The following LRRC4C variants were observed in gnomAD, a reference collection of about 807,000 sequenced individuals.
LRRC4C encodes the protein leucine-rich repeat-containing protein 4C.
A neutral mutation model predicts 33.6 loss-of-function variants in LRRC4C; 5 were observed. The ratio of observed to expected loss-of-function variants is 0.15; its 90% confidence interval spans 0.08 to 0.31. LRRC4C has a LOEUF of 0.31. Ranked by LOEUF, LRRC4C falls within the 10% of genes least tolerant of loss-of-function variation. The probability of loss-of-function intolerance (pLI) is 1.00; values close to 1 mark genes in which losing one functional copy is unlikely to be tolerated. For synonymous variants in LRRC4C, 329 were observed against 302.0 expected, an observed-to-expected ratio of 1.09 and a Z score of -0.93; for missense variants, 560 against 796.7, an observed-to-expected ratio of 0.70 and a Z score of 3.58.
chr11:41,187,098 A>C (rs1374243367), intron 1 of LRRC4C, among the ~76,000 whole-genome samples: 1 of 152,186 alleles, frequency 6.6e-6, no homozygotes, highest in Non-Finnish European at 1.5e-5. Flanking sequence ...AATAGCAGTG[A>C]TATGGGAAGG....
chr11:41,072,275 C>A (rs1171714144), intron 1 of LRRC4C, among the ~76,000 whole-genome samples: 1 of 144,684 alleles, frequency 6.9e-6, no homozygotes, highest in Admixed American at 7.1e-5. Context: ...ATCAATGTGG[C>A]AAACATTGAA....
chr11:40,752,405 T>A (rs979229791), intron 2 of LRRC4C, among the ~76,000 whole-genome samples: 4 of 151,780 alleles, frequency 2.6e-5, no homozygotes, highest in South Asian at 2.1e-4. Context: ...TGCAACAATA[T>A]ATAAACAAAT....
rs1958336050 is a variant in LRRC4C, at chr11:40,945,088, C to T, written c.-495-11365G>A. On this transcript the variant is annotated intron_variant, in intron 1 of 6. Transcript: ENST00000528697. The stretch of plus-strand genomic sequence containing the variant: ...TGTCGCCCGGGCTGGAGCGCAGTGG[C>T]GCGATCTCGGCACACTGCAAGCTCT... 4.4e-5 allele frequency among the ~76,000 whole-genome samples: 6 copies of T among 137,924 alleles called. No homozygotes were observed. In the South Asian group the frequency reaches 9.0e-4, roughly 21 times the overall value. The allele number at this position is 137,924 out of a possible 152,430, so 90.5% of individuals were successfully genotyped here.
At chr11:41,308,584 AT>A (rs1324253597) in intron 1 of LRRC4C, among the ~76,000 whole-genome samples, 1 of 152,176 alleles carries the variant, frequency 6.6e-6, no homozygotes, top group African/African-American at 2.4e-5. Flanking sequence ...TTGGGCCAAT[AT>A]TAAAACCACA....
intron 3 of LRRC4C, among the ~76,000 whole-genome samples, chr11:40,403,481 G>A (rs1590626915): frequency 6.6e-6 from 1 of 152,088 alleles, no homozygotes; most frequent in African/African-American, 2.4e-5. Flanking sequence ...AAGCAAGACC[G>A]AATGAGATCA....
chr11:40,867,192 C>G lies in LRRC4C; in HGVS notation c.-407+66443G>C, dbSNP rs924348193. Among the ~76,000 whole-genome samples, 20 of 152,274 alleles carry G rather than the reference C, an allele frequency of 1.3e-4. No homozygotes were observed. In the East Asian group the frequency reaches 3.9e-3, roughly 29 times the overall value. ...CATTGCCTCGTTCACCAACACAACC[C>G]TGTTTTTGACATGTCCTAAGTATTG... is the stretch of plus-strand genomic sequence containing the variant. On this transcript the variant is annotated intron_variant, in intron 2 of 6. Transcript: ENST00000528697.
At chr11:40,856,323 T>C (rs902021418) in intron 2 of LRRC4C, among the ~76,000 whole-genome samples, 1 of 152,142 alleles carries the variant, frequency 6.6e-6, no homozygotes, top group Non-Finnish European at 1.5e-5. Context: ...TAGATACAGA[T>C]TTGTGGTCCA....
intron 2 of LRRC4C, among the ~76,000 whole-genome samples, chr11:40,746,079 C>T (rs900370908): frequency 2.0e-5 from 3 of 152,116 alleles, no homozygotes; most frequent in African/African-American, 7.2e-5. Flanking sequence ...GAGGAGGAAG[C>T]AAGGCAACCT....
intron 4 of LRRC4C, among the ~76,000 whole-genome samples, chr11:40,284,589 CAGAA>C (rs1943707655): frequency 6.6e-6 from 1 of 152,226 alleles, no homozygotes; most frequent in South Asian, 2.1e-4. Flanking sequence ...TTGGCATTAT[CAGAA>C]AGACTAGTTA....
chr11:41,163,690 C>A (rs1944585868), intron 1 of LRRC4C, among the ~76,000 whole-genome samples: 1 of 152,038 alleles, frequency 6.6e-6, no homozygotes, highest in South Asian at 2.1e-4. Flanking sequence ...TGGCTCACTG[C>A]AACCTCCACC....
chr11:40,590,437 C>G (rs1030687594), intron 3 of LRRC4C, among the ~76,000 whole-genome samples: 8 of 151,034 alleles, frequency 5.3e-5, no homozygotes, highest in African/African-American at 1.9e-4. Flanking sequence ...CCTCCCGTAG[C>G]TCAGAGTAAT....
rs965632393 is a variant in LRRC4C at position 40,830,290 on chromosome 11, T to C, written c.-407+103345A>G. On this transcript the variant is annotated intron_variant, in intron 2 of 6. Transcript: ENST00000528697. Reference sequence around the variant, plus strand: ...CAGTTCTTTCTCAACTTTCCACTTCTTTGTTAATACATGAAATACAAGCTA... The same window carrying C: ...CAGTTCTTTCTCAACTTTCCACTTCCTTGTTAATACATGAAATACAAGCTA... 1.6e-4 allele frequency among the ~76,000 whole-genome samples: 25 copies of C among 152,254 alleles called. No homozygotes were observed. The East Asian group carries it at 3.3e-3, about 20-fold the overall frequency.
intron 2 of LRRC4C, among the ~76,000 whole-genome samples, chr11:40,913,473 G>A (rs1956790518): frequency 6.6e-6 from 1 of 152,104 alleles, no homozygotes; most frequent in Non-Finnish European, 1.5e-5. Flanking sequence ...AATGAAGGCA[G>A]AAATAAAGAT....
chr11:40,226,311 G>A (rs1388174048), intron 5 of LRRC4C, among the ~76,000 whole-genome samples: 1 of 152,128 alleles, frequency 6.6e-6, no homozygotes, highest in Non-Finnish European at 1.5e-5. Context: ...CTTTCCTCTG[G>A]TTTGCTATAC....
intron 1 of LRRC4C, among the ~76,000 whole-genome samples, chr11:41,398,939 T>C (rs1001467243): frequency 1.4e-4 from 21 of 152,072 alleles, no homozygotes; most frequent in African/African-American, 4.8e-4. Flanking sequence ...CTTGTAAGGC[T>C]TAATGACTAC....
chr11:40,786,644 A>T (rs1388085623), intron 2 of LRRC4C, among the ~76,000 whole-genome samples: 1 of 152,198 alleles, frequency 6.6e-6, no homozygotes, highest in South Asian at 2.1e-4. Context: ...CATAATATGA[A>T]AGTGGAGTAA....
At chr11:41,359,500 A>G (rs113921886) in intron 1 of LRRC4C, among the ~76,000 whole-genome samples, 1,756 of 152,296 alleles carry the variant, frequency 0.012, 39 homozygotes, top group African/African-American at 0.04. Context: ...TCAGCCTAAA[A>G]GTGCTTTAAA....
At chr11:40,301,698 T>C (rs1944781085) in intron 4 of LRRC4C, among the ~76,000 whole-genome samples, 1 of 152,170 alleles carries the variant, frequency 6.6e-6, no homozygotes, top group African/African-American at 2.4e-5. Flanking sequence ...CTATTGTGCT[T>C]TCAGAAGATG....
chr11:41,060,679 T>C (rs550472303), intron 1 of LRRC4C, among the ~76,000 whole-genome samples: 2 of 152,298 alleles, frequency 1.3e-5, no homozygotes, highest in East Asian at 3.9e-4. Flanking sequence ...CTTCAAGATA[T>C]ATATATTGGA....
Sources: gnomAD v4.1 joint callset for allele counts (sites outside exome capture counted in the v4.1 genomes callset) on GRCh38, gnomAD v4.1.1 for gene constraint, MANE v1.5 for transcripts, NCBI Gene and HGNC (gene_info 2026-07-23, HGNC 2026-07-21) for gene names.